The following NUDCD1 variants were observed in gnomAD, a reference collection of about 807,000 sequenced individuals.
NUDCD1 encodes the protein NudC domain containing 1.
NUDCD1 carries 60 observed loss-of-function variants against 67.8 expected under a neutral mutation model. The observed-to-expected ratio is 0.88, with a 90% CI of 0.72 to 1.10. The LOEUF is 1.10. NUDCD1 is among the 50% of genes least tolerant of loss of function. The pLI, the probability that NUDCD1 is intolerant of heterozygous loss-of-function variation, is 0.00. For synonymous variants in NUDCD1, 244 were observed against 230.8 expected, an observed-to-expected ratio of 1.06 and a Z score of -0.52; for missense variants, 643 against 695.0, an observed-to-expected ratio of 0.93 and a Z score of 0.84.
At chr8:109,297,987 T>C (rs556131771) in intron 2 of NUDCD1, among the ~76,000 whole-genome samples, 7 of 152,208 alleles carry the variant, frequency 4.6e-5, no homozygotes, top group African/African-American at 9.6e-5. Flanking sequence ...CTGTATACAA[T>C]GTCCTTACTG....
At chr8:109,307,349 C>A (rs528691048) in intron 2 of NUDCD1, among the ~76,000 whole-genome samples, 1 of 152,342 alleles carries the variant, frequency 6.6e-6, no homozygotes, top group Admixed American at 6.5e-5. Context: ...TCCCACCACC[C>A]TTTGCTGACT....
intron 5 of NUDCD1, among the ~76,000 whole-genome samples, chr8:109,282,498 T>A (rs949390802): frequency 3.3e-5 from 5 of 151,650 alleles, no homozygotes; most frequent in African/African-American, 7.3e-5. Context: ...AAAATAATAT[T>A]ATAAGGAAAG....
At chr8:109,333,564 G>C (rs924271287) in intron 1 of NUDCD1, among the ~76,000 whole-genome samples, 1 of 152,126 alleles carries the variant, frequency 6.6e-6, no homozygotes, top group African/African-American at 2.4e-5. Flanking sequence ...TGTTCTCAGC[G>C]TCCCCCGAAA....
intron 3 of NUDCD1, 75 bp from the exon 4 acceptor site, chr8:109,293,599 G>T: frequency 1.4e-6 from 1 of 694,596 alleles, no homozygotes; most frequent in Non-Finnish European, 2.2e-6. Flanking sequence ...GGAATATATA[G>T]GATTCTGGTG....
chr8:109,318,707 C>CT (rs1815461242), intron 2 of NUDCD1, among the ~76,000 whole-genome samples: 1 of 152,124 alleles, frequency 6.6e-6, no homozygotes, highest in Admixed American at 6.6e-5. Context: ...CAGGAAATGT[C>CT]TAACTCCTTT....
At chr8:109,297,891 T>C (rs1162672040) in intron 2 of NUDCD1, among the ~76,000 whole-genome samples, 1 of 152,334 alleles carries the variant, frequency 6.6e-6, no homozygotes, top group East Asian at 1.9e-4. Flanking sequence ...CAAGTTTTTC[T>C]ATAGGAGAAA....
intron 8 of NUDCD1, among the ~76,000 whole-genome samples, chr8:109,257,256 C>T (rs1053200757): frequency 6.6e-6 from 1 of 152,010 alleles, no homozygotes; most frequent in Non-Finnish European, 1.5e-5. Context: ...CTTGGAGTAT[C>T]TACAATAAAG....
At chr8:109,243,729 G>T (rs898279764) in intron 9 of NUDCD1, among the ~76,000 whole-genome samples, 4 of 152,066 alleles carry the variant, frequency 2.6e-5, no homozygotes, top group Admixed American at 6.6e-5. Context: ...AATGTGTATA[G>T]GATACCATCA....
intron 8 of NUDCD1, among the ~76,000 whole-genome samples, chr8:109,266,416 T>TTC (rs1813997256): frequency 8.6e-6 from 1 of 116,830 alleles, no homozygotes; most frequent in Non-Finnish European, 1.8e-5. Flanking sequence ...TTTTTTTTTT[T>TTC]CGTATTTTCA....
chr8:109,266,175 A>G (rs1447840003), intron 8 of NUDCD1, among the ~76,000 whole-genome samples: 2 of 151,970 alleles, frequency 1.3e-5, no homozygotes, highest in East Asian at 3.9e-4. Flanking sequence ...TAAATGAAAC[A>G]TATCCAAATG....
At chr8:109,275,168 T>G (rs1246436823) in intron 7 of NUDCD1, among the ~76,000 whole-genome samples, 184 bp downstream of exon 7, 1 of 152,136 alleles carries the variant, frequency 6.6e-6, no homozygotes, top group Non-Finnish European at 1.5e-5. Flanking sequence ...ATGTATGTAT[T>G]TACATAGTGT....
intron 1 of NUDCD1, among the ~76,000 whole-genome samples, chr8:109,331,497 T>C (rs1317505374): frequency 2.7e-5 from 3 of 111,812 alleles, no homozygotes; most frequent in African/African-American, 1.1e-4. Context: ...GCCTCCGCAA[T>C]AGAGCAAGAC....
chr8:109,322,479 A>C lies in NUDCD1; in HGVS notation c.119-16T>G. The C allele has an allele frequency of 1.3e-6, 2 of 1,574,798 alleles. No individual in the cohort carries two copies. Among genetic ancestry groups the C allele is most frequent in the African/African-American group, 2.7e-5 (2 of 74,368 alleles). On this transcript the variant is annotated splice_polypyrimidine_tract_variant and intron_variant, in intron 1 of 9. Coordinates refer to ENST00000239690, the MANE Select transcript of NUDCD1 (RefSeq NM_032869.4). Reference sequence around the variant, plus strand: ...TCTGCCACAGCTGAAATACAAGAAAAGCAAACATAAACATCAAGAGTTTTG... The same window carrying C: ...TCTGCCACAGCTGAAATACAAGAAACGCAAACATAAACATCAAGAGTTTTG...
At chr8:109,333,823 G>A in intron 1 of NUDCD1, 70 bp downstream of exon 1, 1 of 1,515,490 alleles carries the variant, frequency 6.6e-7, no homozygotes, top group Non-Finnish European at 9.0e-7. Context: ...AAGAAATTGC[G>A]GGAAGGGTCA....
intron 2 of NUDCD1, among the ~76,000 whole-genome samples, chr8:109,304,584 A>G (rs946635915): frequency 5.9e-5 from 9 of 152,182 alleles, no homozygotes; most frequent in African/African-American, 2.2e-4. Flanking sequence ...GACTCGAAAT[A>G]TGCCTTCCAT....
chr8:109,279,569 T>C (rs948590831), intron 6 of NUDCD1, among the ~76,000 whole-genome samples: 2 of 152,334 alleles, frequency 1.3e-5, no homozygotes, highest in South Asian at 4.1e-4. Context: ...ATGGTATCTT[T>C]AGAAGAACAA....
At position 109,245,303 on chromosome 8, in the gene NUDCD1, C is replaced by A; in HGVS notation, c.1459+19G>T. ...GTATTTCTGATTTCATGGAAAATGT[C>A]AAAGAGTTTGCTTTATACCTAAAGC... On this transcript the variant is annotated intron_variant, in intron 9 of 9. Coordinates refer to ENST00000239690, the MANE Select transcript of NUDCD1 (RefSeq NM_032869.4). The A allele has an allele frequency of 6.3e-7, 1 of 1,589,352 alleles. No homozygotes were observed. Among genetic ancestry groups the A allele is most frequent in the African/African-American group, 1.4e-5 (1 of 73,926 alleles).
At chr8:109,293,805 G>A (rs1257198191) in intron 3 of NUDCD1, among the ~76,000 whole-genome samples, 1 of 152,010 alleles carries the variant, frequency 6.6e-6, no homozygotes, top group African/African-American at 2.4e-5. Context: ...GTATATGAGT[G>A]TGCATGTGTG....
At chr8:109,310,807 ATTC>A in intron 2 of NUDCD1, among the ~76,000 whole-genome samples, 1 of 132,632 alleles carries the variant, frequency 7.5e-6, no homozygotes, top group East Asian at 2.1e-4. Flanking sequence ...TGAATAGACA[ATTC>A]TTTTTTTTTT....
Sources: allele counts gnomAD v4.1 joint callset (sites outside exome capture counted in the v4.1 genomes callset), GRCh38; gene constraint gnomAD v4.1.1; transcripts MANE v1.5; gene names NCBI Gene and HGNC (gene_info 2026-07-23, HGNC 2026-07-21).